The following PHKA1 variants were observed in gnomAD, a reference collection of about 807,000 sequenced individuals.
The protein encoded by PHKA1 is phosphorylase kinase regulatory subunit alpha 1.
A neutral mutation model predicts 110.2 loss-of-function variants in PHKA1; 60 were observed. The ratio of observed to expected loss-of-function variants is 0.54; its 90% CI spans 0.44 to 0.68. The LOEUF (loss-of-function observed/expected upper bound fraction) is 0.68, where lower values mean the gene tolerates loss of function less well. PHKA1 is among the 30% of genes least tolerant of loss of function. The pLI, the probability that PHKA1 is intolerant of heterozygous loss-of-function variation, is 0.00. For missense variants in PHKA1, 801 were observed against 942.5 expected (o/e 0.85, Z 1.97); for synonymous variants, 316 against 333.6 (o/e 0.95, Z 0.58).
chrX:72,630,296 GGAGAGA>G (rs372667448), intron 16 of PHKA1, among the ~76,000 whole-genome samples: 16 of 99,333 alleles, frequency 1.6e-4, no homozygotes, highest in Non-Finnish European at 2.3e-4. Context: ...CGGGGGTGGG[GGAGAGA>G]GAGAGAGAGA....
At chrX:72,594,404 TTAGA>T (rs1489052689) in intron 28 of PHKA1, among the ~76,000 whole-genome samples, 1 of 110,212 alleles carries the variant, frequency 9.1e-6, no homozygotes, top group Non-Finnish European at 1.9e-5. Context: ...AGACAAATCA[TTAGA>T]TAGAAAGACC....
intron 29 of PHKA1, among the ~76,000 whole-genome samples, chrX:72,592,205 CA>C (rs1488007865): frequency 8.9e-6 from 1 of 111,998 alleles, no homozygotes; most frequent in African/African-American, 3.2e-5. Flanking sequence ...AAGTTAGCTG[CA>C]AAAAAAGCAA....
intron 5 of PHKA1, among the ~76,000 whole-genome samples, chrX:72,680,066 C>T (rs2053828769): frequency 9.2e-6 from 1 of 108,481 alleles, no homozygotes; most frequent in Non-Finnish European, 1.9e-5. Flanking sequence ...GGCTGGAGTG[C>T]AATGGTGTGA....
intron 29 of PHKA1, among the ~76,000 whole-genome samples, chrX:72,590,233 A>T (rs1556222473): frequency 8.9e-6 from 1 of 111,774 alleles, no homozygotes; most frequent in East Asian, 2.8e-4. Context: ...AGAGATATAG[A>T]CCAATGGGAC....
chrX:72,658,435 G>T (rs1399654398), intron 8 of PHKA1, among the ~76,000 whole-genome samples: 1 of 105,293 alleles, frequency 9.5e-6, no homozygotes, highest in Non-Finnish European at 1.9e-5. Flanking sequence ...CTCCAGCCTG[G>T]GTGACAAAGT....
intron 30 of PHKA1, 125 bp from the exon 31 acceptor site, chrX:72,582,723 C>A (rs1185257783): frequency 3.8e-6 from 2 of 528,880 alleles, no homozygotes; most frequent in Non-Finnish European, 6.8e-6. Flanking sequence ...TTCAAAATAA[C>A]TGAGTGAGTA....
At chrX:72,639,224 G>T (rs1556293647) in intron 14 of PHKA1, among the ~76,000 whole-genome samples, 1 of 111,953 alleles carries the variant, frequency 8.9e-6, no homozygotes, top group Non-Finnish European at 1.9e-5. Context: ...TTGTGTACTT[G>T]TACGAATGTT....
intron 17 of PHKA1, 117 bp downstream of exon 17, chrX:72,626,854 C>A: frequency 1.6e-6 from 1 of 606,578 alleles, no homozygotes; most frequent in South Asian, 2.3e-5. Context: ...ATATCGGAGT[C>A]AAATTGTAGA....
chrX:72,645,282 T>C (rs1556296861), intron 13 of PHKA1, among the ~76,000 whole-genome samples: 1 of 112,402 alleles, frequency 8.9e-6, no homozygotes, highest in African/African-American at 3.2e-5. Flanking sequence ...AAATGTGCCC[T>C]CTACTCCTGC....
chrX:72,655,748 G>A (rs931002430), intron 10 of PHKA1, among the ~76,000 whole-genome samples: 31 of 110,668 alleles, frequency 2.8e-4, no homozygotes, highest in Non-Finnish European at 4.9e-4. Context: ...TCAGCCTCCC[G>A]AGTAGCTGGG....
chrX:72,622,226 C>T lies in PHKA1; in HGVS notation c.1960+883G>A, dbSNP rs187552343. The T allele has an allele frequency of 1.6e-3, 1,176 of 752,403 alleles. 1 individual carries two copies. Among genetic ancestry groups the T allele is most frequent in the Non-Finnish European group, 1.7e-3 (1,090 of 638,998 alleles). The allele number at this position is 752,403 out of a possible 1,213,427, so 62.0% of individuals were successfully genotyped here. ...GGGCCCAAAAAAGAAAATAGTCCTTCTGACTGCTAATGTGTTGTCCTATTG... is the reference window on the plus strand; with the variant it reads ...GGGCCCAAAAAAGAAAATAGTCCTTTTGACTGCTAATGTGTTGTCCTATTG... On this transcript the variant is annotated intron_variant, in intron 18 of 31. Coordinates refer to ENST00000373542, the MANE Select transcript of PHKA1 (RefSeq NM_002637.4).
intron 14 of PHKA1, 100 bp from the exon 15 acceptor site, chrX:72,636,486 T>C (rs1024599309): frequency 4.2e-5 from 22 of 522,776 alleles, no homozygotes; most frequent in Admixed American, 1.3e-4. Flanking sequence ...ACACAATGTA[T>C]GTATATACAT....
At chrX:72,712,211 TAA>T (rs1159539360) in intron 2 of PHKA1, 1 of 115,742 alleles carries the variant, frequency 8.6e-6, no homozygotes, top group East Asian at 2.6e-4. Flanking sequence ...GGAAGTGCCT[TAA>T]AAGTTGGCTT....
intron 4 of PHKA1, among the ~76,000 whole-genome samples, chrX:72,694,801 T>C (rs2054086842): frequency 8.9e-6 from 1 of 111,846 alleles, no homozygotes; most frequent in Non-Finnish European, 1.9e-5. Flanking sequence ...TATTCAGACA[T>C]TGTTGCTTTG....
chrX:72,647,419 A>T (rs2053374094), intron 13 of PHKA1, among the ~76,000 whole-genome samples: 1 of 111,758 alleles, frequency 8.9e-6, no homozygotes, highest in Non-Finnish European at 1.9e-5. Context: ...AATTTTAGAC[A>T]TGTTGAATAA....
chrX:72,609,583 C>T, intron 23 of PHKA1, 41 bp downstream of exon 23: 1 of 952,425 alleles, frequency 1.0e-6, no homozygotes, highest in Admixed American at 2.2e-5. Flanking sequence ...GTCCACACCA[C>T]TCCTTCTCAG....
chrX:72,631,667 C>T (rs1485053373), intron 16 of PHKA1, among the ~76,000 whole-genome samples: 2 of 109,242 alleles, frequency 1.8e-5, no homozygotes, highest in Non-Finnish European at 3.8e-5. Flanking sequence ...CAGTCCAGGA[C>T]ATATAAGGCC....
intron 10 of PHKA1, among the ~76,000 whole-genome samples, chrX:72,654,568 G>A (rs1204648055): frequency 9.0e-6 from 1 of 111,721 alleles, no homozygotes; most frequent in Non-Finnish European, 1.9e-5. Context: ...GTGAGAACTT[G>A]GGTACACACT....
chrX:72,666,585 T>C (rs980111600), intron 7 of PHKA1, among the ~76,000 whole-genome samples: 7 of 111,827 alleles, frequency 6.3e-5, no homozygotes, highest in Admixed American at 1.9e-4. Context: ...CTTGTCTTAA[T>C]TCTGCTCTCA....
Sources: allele counts gnomAD v4.1 joint callset (sites outside exome capture counted in the v4.1 genomes callset), GRCh38; gene constraint gnomAD v4.1.1; transcripts MANE v1.5; gene names NCBI Gene and HGNC (gene_info 2026-07-23, HGNC 2026-07-21).